The following PDE7B variants were observed in gnomAD, a reference collection of about 807,000 sequenced individuals.
PDE7B encodes the protein phosphodiesterase 7B.
In PDE7B, 29 loss-of-function variants were observed where a neutral mutation model predicts 56.2. That is an observed-to-expected ratio of 0.52 (90% CI 0.38 to 0.70). PDE7B has a LOEUF of 0.70. PDE7B is among the 30% of genes least tolerant of loss of function. PDE7B has a pLI of 0.00. For missense variants in PDE7B, 490 were observed against 565.0 expected (o/e 0.87, Z 1.35); for synonymous variants, 197 against 196.9 (o/e 1.00, Z 0.00).
chr6:135,904,863 T>G (rs1317854406), intron 1 of PDE7B, among the ~76,000 whole-genome samples: 3 of 152,164 alleles, frequency 2.0e-5, no homozygotes, highest in African/African-American at 7.2e-5. Flanking sequence ...ATAGAGTTCA[T>G]TTACCTTCTG....
intron 8 of PDE7B, 49 bp from the exon 9 acceptor site, chr6:136,173,748 A>G (rs1391639552): frequency 8.5e-7 from 1 of 1,176,858 alleles, no homozygotes; most frequent in Non-Finnish European, 1.3e-6. Context: ...ATGAAAGATC[A>G]GTATCTGGCT....
chr6:136,092,698 T>C (rs1040890135), intron 2 of PDE7B, among the ~76,000 whole-genome samples: 3 of 151,940 alleles, frequency 2.0e-5, no homozygotes, highest in Admixed American at 1.3e-4. Context: ...GAGGCGGAGG[T>C]TGCAGTGAGC....
intron 4 of PDE7B, 37 bp from the exon 5 acceptor site, chr6:136,149,050 G>T (rs1201521874): frequency 2.7e-6 from 4 of 1,458,100 alleles, no homozygotes; most frequent in Non-Finnish European, 3.9e-6. Flanking sequence ...TCTCCAGTGT[G>T]ATTCATTTGC....
chr6:136,080,080 A>G (rs1050004536), intron 2 of PDE7B, among the ~76,000 whole-genome samples: 8 of 152,180 alleles, frequency 5.3e-5, no homozygotes, highest in Non-Finnish European at 8.8e-5. Context: ...ATAAATGAAG[A>G]AAAAAACCTC....
rs534460485 is a variant in PDE7B, at chr6:136,191,567, C to T, written c.1127-47C>T. On this transcript the variant is annotated intron_variant, in intron 12 of 12. Transcript: ENST00000308191. ...GTCATGCTCGGGAGGGAGTAAGGAG[C>T]GGGTTTCACCACGCTGTGATGCTGA... 684 of 1,486,110 alleles carry T rather than the reference C, an allele frequency of 4.6e-4. 12 individuals carry two copies. In the South Asian group the frequency reaches 7.5e-3, roughly 16 times the overall value. 92.1% of individuals were successfully genotyped at this position (1,486,110 alleles called of 1,614,324 possible).
At chr6:135,917,295 T>G (rs1453036765) in intron 1 of PDE7B, among the ~76,000 whole-genome samples, 1 of 152,206 alleles carries the variant, frequency 6.6e-6, no homozygotes, top group Non-Finnish European at 1.5e-5. Context: ...CAACCTTTTC[T>G]TATTCTTTGT....
intron 8 of PDE7B, chr6:136,156,162 AGTGTGTGTGTGTGTGTGTGT>A (rs10625572): frequency 7.9e-6 from 2 of 251,990 alleles, no homozygotes; most frequent in African/African-American, 2.6e-5. Flanking sequence ...GAATGATCCA[AGTGTGTGTGTGTGTGTGTGT>A]GTGTGTGTGT....
chr6:135,931,955 A>T (rs202141018), intron 1 of PDE7B, among the ~76,000 whole-genome samples: 1 of 18,384 alleles, frequency 5.4e-5, no homozygotes, highest in Non-Finnish European at 9.7e-5. Context: ...ACGCGCGCGC[A>T]CACACACACA....
intron 1 of PDE7B, among the ~76,000 whole-genome samples, chr6:135,861,359 T>C (rs1295243571): frequency 1.1e-4 from 17 of 151,846 alleles, no homozygotes; most frequent in Non-Finnish European, 1.6e-4. Context: ...TCAGTTACTC[T>C]ACTTCCTCAC....
intron 2 of PDE7B, among the ~76,000 whole-genome samples, chr6:135,958,797 T>C (rs1198185468): frequency 6.6e-6 from 1 of 152,154 alleles, no homozygotes. Context: ...TAGCTGATGG[T>C]ATAGAAAGCT....
intron 2 of PDE7B, among the ~76,000 whole-genome samples, chr6:136,104,417 C>T (rs1053779381): frequency 1.3e-5 from 2 of 152,116 alleles, no homozygotes; most frequent in African/African-American, 4.8e-5. Context: ...AGATGATTGC[C>T]TGAGACCCTG....
chr6:135,901,329 T>C (rs1188431451), intron 1 of PDE7B, among the ~76,000 whole-genome samples: 3 of 152,204 alleles, frequency 2.0e-5, no homozygotes, highest in African/African-American at 4.8e-5. Flanking sequence ...CTATTCACTA[T>C]TGACTATAGT....
intron 2 of PDE7B, among the ~76,000 whole-genome samples, chr6:136,081,485 A>G (rs1459619826): frequency 6.6e-6 from 1 of 152,206 alleles, no homozygotes; most frequent in African/African-American, 2.4e-5. Flanking sequence ...TTAACAGAAT[A>G]TCTACTCTGG....
chr6:136,154,044 T>C (rs1778567371), intron 6 of PDE7B, 31 bp from the exon 7 acceptor site: 4 of 1,495,832 alleles, frequency 2.7e-6, no homozygotes, highest in Non-Finnish European at 3.7e-6. Context: ...ATTTGGGTTT[T>C]AGTTGATTGA....
In PDE7B at chr6:135,935,194, A is replaced by ATATATATATTTT. The variant is rs1554268036; in HGVS notation, c.22-12261_22-12260insTTTTATATATAT. ...ATTTTATATATATATATTTATTTAT[A>ATATATATATTTT]TATATATATATATATATATATATTT... On this transcript the variant is annotated intron_variant, in intron 1 of 12. Transcript: ENST00000308191. 7.8e-5 allele frequency among the ~76,000 whole-genome samples: 6 copies of ATATATATATTTT among 77,234 alleles called. 1 individual carries two copies. The highest frequency in any genetic ancestry group is 3.7e-4 in the African/African-American group (5 of 13,594). The allele number at this position is 77,234 out of a possible 152,430, so 50.7% of individuals were successfully genotyped here.
At chr6:136,092,772 A>G (rs1777410428) in intron 2 of PDE7B, among the ~76,000 whole-genome samples, 1 of 152,168 alleles carries the variant, frequency 6.6e-6, no homozygotes, top group Admixed American at 6.5e-5. Context: ...AAACAAAACA[A>G]AACAAAACAA....
rs911663674 is a variant in PDE7B, at chr6:135,865,666, G to C, written c.21+13647G>C. ...GTGTGTGTGTATGTGTGGAGAGAGAGAGAGAGAGACAGAGACAGAGAAATT... is the reference window on the plus strand; with the variant it reads ...GTGTGTGTGTATGTGTGGAGAGAGACAGAGAGAGACAGAGACAGAGAAATT... On this transcript the variant is annotated intron_variant, in intron 1 of 12. Coordinates refer to ENST00000308191, the MANE Select transcript of PDE7B (RefSeq NM_018945.4). 3.3e-5 allele frequency among the ~76,000 whole-genome samples: 5 copies of C among 151,156 alleles called. No individual in the cohort carries two copies. In the South Asian group the frequency reaches 1.0e-3, roughly 32 times the overall value.
At chr6:136,043,479 T>C (rs766538606) in intron 2 of PDE7B, among the ~76,000 whole-genome samples, 13 of 151,018 alleles carry the variant, frequency 8.6e-5, no homozygotes, top group South Asian at 2.1e-4. Flanking sequence ...GGGTGGGTAC[T>C]TCACCTCTCG....
intron 3 of PDE7B, among the ~76,000 whole-genome samples, chr6:136,113,839 A>G (rs1403585446): frequency 1.3e-5 from 2 of 152,346 alleles, no homozygotes; most frequent in Non-Finnish European, 2.9e-5. Context: ...CCCCGTCTAC[A>G]GCTCTGTCTC....
Sources: gnomAD v4.1 joint callset for allele counts (sites outside exome capture counted in the v4.1 genomes callset) on GRCh38, gnomAD v4.1.1 for gene constraint, MANE v1.5 for transcripts, NCBI Gene and HGNC (gene_info 2026-07-23, HGNC 2026-07-21) for gene names.